Variants in SLBP observed in about 807,000 individuals in gnomAD.
The protein encoded by SLBP is histone RNA hairpin-binding protein.
In SLBP, 29 loss-of-function variants were observed where a neutral mutation model predicts 39.2. The ratio of observed to expected loss-of-function variants is 0.74; its 90% confidence interval spans 0.55 to 1.01. SLBP has a LOEUF of 1.01. SLBP is among the 50% of genes least tolerant of loss of function. The pLI, the probability that SLBP is intolerant of heterozygous loss-of-function variation, is 0.00. For synonymous variants in SLBP, 129 were observed against 118.7 expected, an observed-to-expected ratio of 1.09 and a Z score of -0.57; for missense variants, 390 against 350.2, an observed-to-expected ratio of 1.11 and a Z score of -0.91.
chr4:1,703,754 A>T (rs1716418271), intron 2 of SLBP, 54 bp from the exon 3 acceptor site: 1 of 1,220,194 alleles, frequency 8.2e-7, no homozygotes, highest in African/African-American at 1.5e-5. Flanking sequence ...GTTTTCTTTC[A>T]AACTGTATGT....
chr4:1,701,724 T>C (rs1716337740), intron 3 of SLBP, among the ~76,000 whole-genome samples: 1 of 152,094 alleles, frequency 6.6e-6, no homozygotes, highest in Admixed American at 6.6e-5. Context: ...CTGGCCAATA[T>C]GGTGAAACCT....
chr4:1,697,489 A>T (rs1335238386), intron 5 of SLBP, among the ~76,000 whole-genome samples: 1 of 151,898 alleles, frequency 6.6e-6, no homozygotes, highest in African/African-American at 2.4e-5. Flanking sequence ...AATAAATAAA[A>T]AATCAACTGA....
rs970654588 is a variant in SLBP, at chr4:1,712,313, G to T, written c.-125C>A. 6 of 541,256 alleles carry T rather than the reference G, an allele frequency of 1.1e-5. No individual in the cohort carries two copies. The highest frequency in any genetic ancestry group is 5.7e-4 in the Middle Eastern group (1 of 1,764). The allele number at this position is 541,256 out of a possible 1,614,324, so 33.5% of individuals were successfully genotyped here. A position where few individuals can be genotyped will look rare whatever the true frequency, so the allele number is the denominator to read the frequency against. ...CCCGCGTCCCCGCGCCGGCGCTCACGAGCTCTGCGCGCCCCGCCCCCAACC... is the reference window on the plus strand; with the variant it reads ...CCCGCGTCCCCGCGCCGGCGCTCACTAGCTCTGCGCGCCCCGCCCCCAACC... On this transcript the variant is annotated 5_prime_UTR_variant, in exon 1 of 8. Transcript: ENST00000489418.
intron 6 of SLBP, among the ~76,000 whole-genome samples, chr4:1,695,091 G>A (rs1716058254): frequency 6.6e-6 from 1 of 152,132 alleles, no homozygotes; most frequent in South Asian, 2.1e-4. Context: ...AGCATCCTTG[G>A]AAACAGAAAC....
intron 2 of SLBP, among the ~76,000 whole-genome samples, chr4:1,710,449 G>C (rs1164106133): frequency 6.6e-6 from 1 of 152,232 alleles, no homozygotes; most frequent in Non-Finnish European, 1.5e-5. Context: ...AAGTGTCTGA[G>C]ACAGGTCTCA....
intron 3 of SLBP, among the ~76,000 whole-genome samples, chr4:1,701,813 A>G (rs1451533265): frequency 6.6e-6 from 1 of 152,204 alleles, no homozygotes; most frequent in Non-Finnish European, 1.5e-5. Context: ...AGGCTGAGGC[A>G]GGAGAATCGC....
rs544485912 is a variant in SLBP at position 1,706,115 on chromosome 4, T to C, written c.177-2415A>G. Among the ~76,000 whole-genome samples, 105 of 152,104 alleles carry C rather than the reference T, an allele frequency of 6.9e-4. No homozygotes were observed. The South Asian group carries it at 0.021, about 31-fold the overall frequency. ...GCCTGGCTAACATGGCGAAACCCCA[T>C]CTCTAATAAAAATACAAAAATTAGC... On this transcript the variant is annotated intron_variant, in intron 2 of 7. Transcript: ENST00000489418.
At chr4:1,703,292 C>G (rs1716398860) in intron 3 of SLBP, among the ~76,000 whole-genome samples, 1 of 151,054 alleles carries the variant, frequency 6.6e-6, no homozygotes. Flanking sequence ...TGCAATCCAG[C>G]AGTAACACCA....
rs796528259 is a variant in SLBP, at chr4:1,708,109, C to T, written c.176+3765G>A. Among the ~76,000 whole-genome samples the T allele has an allele frequency of 1.4e-4, 20 of 146,416 alleles. 1 individual carries two copies. In the East Asian group the frequency reaches 3.0e-3, roughly 22 times the overall value. ...CGAAAAAAAAAAAAAAAAAATCAGG[C>T]GGGCGTGGTGGCGCATGCCTGTAGT... On this transcript the variant is annotated intron_variant, in intron 2 of 7. Transcript: ENST00000489418.
Position 1,700,060 on chromosome 4 carries a change from T to G in SLBP, c.292A>C (p.Lys98Gln), listed in dbSNP as rs781340181. The G allele has an allele frequency of 1.9e-6, 3 of 1,596,506 alleles. No homozygotes were observed. Among genetic ancestry groups the G allele is most frequent in the East Asian group, 2.2e-5 (1 of 44,774 alleles). The change falls in exon 4 of 8, where the codon AAA (lysine) becomes CAA (glutamine). Residue 98 changes from lysine (K) to glutamine (Q), a missense_variant. By Grantham distance (53) the Lys-to-Gln change is moderately conservative (BLOSUM62 1). Coordinates refer to ENST00000489418, the MANE Select transcript of SLBP (RefSeq NM_006527.4). The part of the protein sequence containing the change: ...VNKEMARYKR[K>Q]LLINDFGRER... ...CTTCCAAAGTCATTGATGAGGAGTT[T>G]CCTTTTATATCTGAGGGCAAAATAA...
intron 2 of SLBP, among the ~76,000 whole-genome samples, 161 bp downstream of exon 2, chr4:1,711,713 C>G (rs954815886): frequency 5.9e-5 from 9 of 152,386 alleles, no homozygotes; most frequent in Admixed American, 2.6e-4. Context: ...CCCAGGCCTG[C>G]TGCGGCCGCC....
Position 1,712,269 on chromosome 4 carries a change from G to A in SLBP, c.-81C>T, listed in dbSNP as rs772410382. The A allele has an allele frequency of 1.3e-5, 12 of 909,238 alleles. No homozygotes were observed. The highest frequency in any genetic ancestry group is 2.4e-5 in the South Asian group (1 of 41,760). The allele number at this position is 909,238 out of a possible 1,614,324, so 56.3% of individuals were successfully genotyped here. Reference sequence around the variant, plus strand: ...GGCAGAGAGCGCAGAGTAGAGCAGGGCAGGGCCTGAGGCAGAAACCCGCGT... The same window carrying A: ...GGCAGAGAGCGCAGAGTAGAGCAGGACAGGGCCTGAGGCAGAAACCCGCGT... On this transcript the variant is annotated 5_prime_UTR_variant, in exon 1 of 8. Transcript: ENST00000489418.
intron 2 of SLBP, among the ~76,000 whole-genome samples, chr4:1,709,821 C>T (rs997389779): frequency 4.6e-5 from 7 of 152,206 alleles, no homozygotes; most frequent in Non-Finnish European, 7.3e-5. Flanking sequence ...CCGTGTTAGC[C>T]AGGATGGTCT....
chr4:1,712,178 C>T lies in SLBP; in HGVS notation c.11G>A (p.Arg4His). 8.1e-7 allele frequency: 1 copy of T among 1,238,286 alleles called. No homozygotes were observed. The allele number at this position is 1,238,286 out of a possible 1,614,324, so 76.7% of individuals were successfully genotyped here. A position where few individuals can be genotyped will look rare whatever the true frequency, so the allele number is the denominator to read the frequency against. Residue 4 changes from arginine to histidine, a missense_variant, in exon 1 of 8, where the codon CGC (arginine) becomes CAC (histidine). Arg to His is a conservative substitution (Grantham distance 29). Coordinates refer to ENST00000489418, the MANE Select transcript of SLBP (RefSeq NM_006527.4). ...CTGATGCCTCGGCGGGCTTCGCGGG[C>T]GGCAGGCCATGGCAGCACGGGCCGG... MACRPRSPPRHQSR... is the reference protein window; with the variant it reads MACHPRSPPRHQSR...
At position 1,699,686 on chromosome 4, in the gene SLBP, C is replaced by G; in HGVS notation, c.357G>C (p.Glu119Asp). 1 of 1,613,808 alleles carries G rather than the reference C, an allele frequency of 6.2e-7. No individual in the cohort carries two copies. Among genetic ancestry groups the G allele is most frequent in the Non-Finnish European group, 8.5e-7 (1 of 1,179,794 alleles). The change falls in exon 5 of 8, where the codon GAG becomes GAC. Residue 119 changes from glutamate to aspartate, a missense_variant. Coordinates refer to ENST00000489418, the MANE Select transcript of SLBP (RefSeq NM_006527.4). ...AGTCAGCCGGCACAGTAGACATAGA[C>G]TCCTTTGAATCAGAACTGAAAAAAC... is the stretch of plus-strand genomic sequence containing the variant. ...KSSSGSSDSK[E>D]SMSTVPADFE... is the part of the protein sequence containing the mutation.
chr4:1,697,825 G>A (rs944675144), intron 5 of SLBP, among the ~76,000 whole-genome samples: 2 of 152,046 alleles, frequency 1.3e-5, no homozygotes, highest in Admixed American at 1.3e-4. Flanking sequence ...GCCTGGACTA[G>A]AGTGAAACTC....
intron 3 of SLBP, among the ~76,000 whole-genome samples, chr4:1,700,617 T>C (rs909928470): frequency 6.6e-6 from 1 of 151,912 alleles, no homozygotes; most frequent in Non-Finnish European, 1.5e-5. Flanking sequence ...TAGAGTACAG[T>C]AGCACGATCA....
At position 1,693,103 on chromosome 4, in the gene SLBP, G is replaced by C. The variant is rs1472476040; in HGVS notation, c.*494C>G. ...TTAATAGCTCAATTTAACAATGTCTGACTTCAGAATGCTGTTATGACATAT... is the reference window on the plus strand; with the variant it reads ...TTAATAGCTCAATTTAACAATGTCTCACTTCAGAATGCTGTTATGACATAT... On this transcript the variant is annotated 3_prime_UTR_variant, in exon 8 of 8. Coordinates refer to ENST00000489418, the MANE Select transcript of SLBP (RefSeq NM_006527.4). 6.4e-6 allele frequency: 1 copy of C among 156,014 alleles called. No individual in the cohort carries two copies. The highest frequency in any genetic ancestry group is 2.4e-5 in the African/African-American group (1 of 41,462). The allele number at this position is 156,014 out of a possible 1,614,324, so 9.7% of individuals were successfully genotyped here.
chr4:1,709,814 T>C (rs1463589591), intron 2 of SLBP, among the ~76,000 whole-genome samples: 1 of 152,202 alleles, frequency 6.6e-6, no homozygotes, highest in Non-Finnish European at 1.5e-5. Flanking sequence ...GTTTTCACCG[T>C]GTTAGCCAGG....
Sources: gnomAD v4.1 joint callset for allele counts (sites outside exome capture counted in the v4.1 genomes callset) on GRCh38, gnomAD v4.1.1 for gene constraint, MANE v1.5 for transcripts, NCBI Gene and HGNC (gene_info 2026-07-23, HGNC 2026-07-21) for gene names.